Variants in DOCK11 observed in about 807,000 individuals in gnomAD.
DOCK11 encodes the protein dedicator of cytokinesis protein 11.
DOCK11 carries 70 observed loss-of-function variants against 169.1 expected under a neutral mutation model. The observed-to-expected ratio is 0.41, with a 90% CI of 0.34 to 0.51. The LOEUF is 0.51. Among genes scored for constraint, DOCK11 ranks in the 20% least tolerant of loss-of-function variants. The pLI, the probability that DOCK11 is intolerant of heterozygous loss-of-function variation, is 0.10. For missense variants in DOCK11, 1,166 were observed against 1,538.8 expected, an observed-to-expected ratio of 0.76 and a Z score of 4.05; for synonymous variants, 529 against 541.3, an observed-to-expected ratio of 0.98 and a Z score of 0.32.
intron 13 of DOCK11, 152 bp downstream of exon 13, chrX:118,578,799 C>T (rs752640835): frequency 1.3e-4 from 62 of 493,927 alleles, no homozygotes; most frequent in Non-Finnish European, 1.7e-4. Flanking sequence ...GGCATATTTT[C>T]CTATTGTCAT....
chrX:118,586,146 G>A (rs888791703), intron 16 of DOCK11, among the ~76,000 whole-genome samples: 3 of 111,538 alleles, frequency 2.7e-5, no homozygotes, highest in Admixed American at 9.5e-5. Context: ...TTGAGTAAAC[G>A]TTTATTGACT....
At chrX:118,576,911 C>T (rs935656284) in intron 12 of DOCK11, among the ~76,000 whole-genome samples, 4 of 111,887 alleles carry the variant, frequency 3.6e-5, no homozygotes, top group African/African-American at 1.3e-4. Flanking sequence ...ATTACAGGCA[C>T]GAGCCACCAC....
At chrX:118,662,848 A>C in intron 45 of DOCK11, 56 bp downstream of exon 45, 1 of 711,188 alleles carries the variant, frequency 1.4e-6, no homozygotes, top group Non-Finnish European at 2.2e-6. Flanking sequence ...CTTAAAATTC[A>C]TATATATTAA....
chrX:118,634,610 C>T (rs952999954), intron 35 of DOCK11, among the ~76,000 whole-genome samples: 2 of 112,752 alleles, frequency 1.8e-5, no homozygotes, highest in African/African-American at 6.4e-5. Flanking sequence ...AGCAAGCTGC[C>T]CTTTGACCGG....
intron 1 of DOCK11, among the ~76,000 whole-genome samples, chrX:118,515,052 CCAG>C (rs2057673723): frequency 1.8e-5 from 2 of 111,694 alleles, no homozygotes; most frequent in South Asian, 7.5e-4. Context: ...CTGGTAGCTA[CCAG>C]CATTCCTTGG....
chrX:118,531,412 C>CAAAAAAAAAAAAAAAAAAA (rs60932296), intron 1 of DOCK11, among the ~76,000 whole-genome samples: 1 of 29,205 alleles, frequency 3.4e-5, no homozygotes, highest in African/African-American at 1.2e-4. Context: ...GCCATATACT[C>CAAAAAAAAAAAAAAAAAAA]AAAAAAAAAA....
Position 118,496,159 on chromosome X carries a change from C to T in DOCK11, c.102+86C>T, listed in dbSNP as rs867988263. Reference sequence around the variant, plus strand: ...AGGGGCAGGAACGGCGCCAGTGCGGCCGCTTGGTGCGCCGCGCGCTGTCTT... The same window carrying T: ...AGGGGCAGGAACGGCGCCAGTGCGGTCGCTTGGTGCGCCGCGCGCTGTCTT... On this transcript the variant is annotated intron_variant, in intron 1 of 52. Coordinates refer to ENST00000276202, the MANE Select transcript of DOCK11 (RefSeq NM_144658.4). 5.9e-5 allele frequency: 38 copies of T among 639,539 alleles called. No individual in the cohort carries two copies. In the African/African-American group the frequency reaches 6.9e-4, roughly 12 times the overall value. 52.7% of individuals were successfully genotyped at this position (639,539 alleles called of 1,213,427 possible).
chrX:118,637,042 T>C (rs2015408880), intron 36 of DOCK11, among the ~76,000 whole-genome samples: 2 of 112,713 alleles, frequency 1.8e-5, no homozygotes, highest in Admixed American at 1.9e-4. Context: ...GATTTGTATG[T>C]GCATGTCTAC....
rs758171900 is a variant in DOCK11 at position 118,661,505 on chromosome X, G to A, written c.4970-1181G>A. Among the ~76,000 whole-genome samples the A allele has an allele frequency of 7.2e-5, 8 of 111,351 alleles. No homozygotes were observed. The Admixed American group carries it at 7.7e-4, about 11-fold the overall frequency. On this transcript the variant is annotated intron_variant, in intron 44 of 52. Transcript: ENST00000276202. The stretch of plus-strand genomic sequence containing the variant: ...TTCTTCCTTCCCCAACCTCTAACAG[G>A]AAGATTACCAGATACTTAATTGTAA...
At position 118,608,253 on chromosome X, in the gene DOCK11, C is replaced by T. The variant is rs749290964; in HGVS notation, c.2774C>T (p.Pro925Leu). 43 of 1,205,681 alleles carry T rather than the reference C, an allele frequency of 3.6e-5. No homozygotes were observed. The highest frequency in any genetic ancestry group is 1.4e-4 in the African/African-American group (8 of 56,707). Reference protein sequence around the residue: ...FIKYSFRPEKPSAPQAQLIHE... With the variant: ...FIKYSFRPEKLSAPQAQLIHE... ...TAGTATAGCTTCCGACCTGAAAAAC[C>T]GAGTGCTCCTCAGGCCCAGCTGATA... The change falls in exon 26 of 53, where the codon CCG (proline) becomes CTG (leucine). Residue 925 changes from proline to leucine, a missense_variant. Coordinates refer to ENST00000276202, the MANE Select transcript of DOCK11 (RefSeq NM_144658.4).
chrX:118,639,760 A>T (rs956763843), intron 38 of DOCK11, among the ~76,000 whole-genome samples, 183 bp downstream of exon 38: 6 of 112,062 alleles, frequency 5.4e-5, no homozygotes, highest in African/African-American at 1.9e-4. Context: ...TAAATTGCCA[A>T]TATGATGGGA....
intron 14 of DOCK11, among the ~76,000 whole-genome samples, chrX:118,581,805 TAAAAAAAAAAAAAAAA>T (rs35095116): frequency 5.5e-4 from 7 of 12,744 alleles, no homozygotes; most frequent in Non-Finnish European, 9.3e-4. Context: ...CTCCGTCTCC[TAAAAAAAAAAAAAAAA>T]AAAAAAAAAA....
rs780232668 is a variant in DOCK11, at chrX:118,674,116, T to C, written c.5200-1820T>C. Among the ~76,000 whole-genome samples, 3 of 112,043 alleles carry C rather than the reference T, an allele frequency of 2.7e-5. No homozygotes were observed. The Admixed American group carries it at 2.8e-4, about 11-fold the overall frequency. Reference sequence around the variant, plus strand: ...AAGGGATACTCAGCCTGTGATATTATATGTGACCTTTTATGTCTGGCTTCT... The same window carrying C: ...AAGGGATACTCAGCCTGTGATATTACATGTGACCTTTTATGTCTGGCTTCT... On this transcript the variant is annotated intron_variant, in intron 46 of 52. Transcript: ENST00000276202.
intron 32 of DOCK11, among the ~76,000 whole-genome samples, chrX:118,624,922 C>T (rs182602326): frequency 2.0e-4 from 22 of 108,814 alleles, no homozygotes. Flanking sequence ...CCATGCCCAG[C>T]TAATGTTTTT....
intron 1 of DOCK11, among the ~76,000 whole-genome samples, chrX:118,534,864 G>GT (rs1409083063): frequency 8.9e-6 from 1 of 111,749 alleles, no homozygotes; most frequent in Non-Finnish European, 1.9e-5. Flanking sequence ...ATAGCGTACT[G>GT]TTGTTTTTTT....
intron 5 of DOCK11, among the ~76,000 whole-genome samples, chrX:118,545,626 A>G (rs979441320): frequency 9.0e-6 from 1 of 111,403 alleles, no homozygotes; most frequent in Admixed American, 9.6e-5. Flanking sequence ...GTACATAAAC[A>G]TGTTCCCCCA....
At chrX:118,514,878 G>C (rs2057672731) in intron 1 of DOCK11, among the ~76,000 whole-genome samples, 1 of 112,140 alleles carries the variant, frequency 8.9e-6, no homozygotes, top group South Asian at 3.7e-4. Flanking sequence ...CTTACTAGTT[G>C]CGTTGGCTTC....
intron 44 of DOCK11, among the ~76,000 whole-genome samples, chrX:118,658,386 C>A (rs1603171256): frequency 8.9e-6 from 1 of 112,616 alleles, no homozygotes; most frequent in Non-Finnish European, 1.9e-5. Flanking sequence ...TACTGTGTAG[C>A]GTTTTTAAGG....
intron 31 of DOCK11, among the ~76,000 whole-genome samples, chrX:118,620,839 A>C (rs192378038): frequency 8.9e-6 from 1 of 112,382 alleles, no homozygotes; most frequent in Admixed American, 9.5e-5. Flanking sequence ...ATGATTTTAA[A>C]TGATTCACTG....
Sources: allele counts gnomAD v4.1 joint callset (sites outside exome capture counted in the v4.1 genomes callset), GRCh38; gene constraint gnomAD v4.1.1; transcripts MANE v1.5; gene names NCBI Gene and HGNC (gene_info 2026-07-23, HGNC 2026-07-21).